SLC36A1: variants seen among roughly 807,000 people sequenced by gnomAD.
SLC36A1 encodes proton-coupled amino acid transporter 1.
A neutral mutation model predicts 47.5 loss-of-function variants in SLC36A1; 30 were observed. The ratio of observed to expected loss-of-function variants is 0.63; its 90% CI spans 0.47 to 0.86. The LOEUF (loss-of-function observed/expected upper bound fraction) is 0.86. Ranked by LOEUF, SLC36A1 falls within the 40% of genes least tolerant of loss-of-function variation. The probability of loss-of-function intolerance (pLI) is 0.00; values close to 1 mark genes in which losing one functional copy is unlikely to be tolerated. For missense variants in SLC36A1, 517 were observed against 606.0 expected (o/e 0.85, Z 1.54); for synonymous variants, 255 against 249.7 (o/e 1.02, Z -0.20).
chr5:151,370,665 C>G, the SLC36A1 span, among the ~76,000 whole-genome samples: 1 of 152,134 alleles, frequency 6.6e-6, no homozygotes, highest in Non-Finnish European at 1.5e-5. Flanking sequence ...CTTTCTTACT[C>G]AATATCAACT....
At chr5:151,449,866 CAA>C (rs1753362971) in intron 1 of SLC36A1, among the ~76,000 whole-genome samples, 2 of 152,202 alleles carry the variant, frequency 1.3e-5, no homozygotes, top group Admixed American at 1.3e-4. Context: ...TCTTTCAACT[CAA>C]GAGTCTGTGA....
the SLC36A1 span, among the ~76,000 whole-genome samples, chr5:151,539,936 T>C: frequency 6.6e-6 from 1 of 152,214 alleles, no homozygotes; most frequent in Admixed American, 6.5e-5. Context: ...AAGAAGGGCA[T>C]CTCAGTGGAC....
Position 151,447,709 on chromosome 5 carries a change from G to C in SLC36A1, c.-110G>C. ...AGCCAGAGCCGGAGCCGGAGCTGGG[G>C]CCAGAACCCGAGCAGTGAGTTCCTC... On this transcript the variant is annotated 5_prime_UTR_variant, in exon 1 of 11. Transcript: ENST00000243389. 1 of 150,072 alleles carries C rather than the reference G, an allele frequency of 6.7e-6. No homozygotes were observed. Among genetic ancestry groups the C allele is most frequent in the East Asian group, 2.0e-4 (1 of 5,010 alleles). The allele number at this position is 150,072 out of a possible 1,614,324, so 9.3% of individuals were successfully genotyped here. A position where few individuals can be genotyped will look rare whatever the true frequency, so the allele number is the denominator to read the frequency against.
chr5:151,429,249 C>T, the SLC36A1 span, among the ~76,000 whole-genome samples: 1 of 151,308 alleles, frequency 6.6e-6, no homozygotes, highest in Non-Finnish European at 1.5e-5. Context: ...GGTACATGTG[C>T]ATGTTTGTTA....
chr5:151,451,127 G>C (rs1753594677), intron 1 of SLC36A1: 1 of 152,148 alleles, frequency 6.6e-6, no homozygotes, highest in Non-Finnish European at 1.5e-5. Flanking sequence ...CTGCATTTGG[G>C]GTTGTCTCTT....
the SLC36A1 span, among the ~76,000 whole-genome samples, chr5:151,417,138 A>G: frequency 7.9e-5 from 12 of 152,348 alleles, no homozygotes; most frequent in East Asian, 2.1e-3. Flanking sequence ...ACGAACTAAT[A>G]CAGTAAATTG....
At chr5:151,407,615 C>G in the SLC36A1 span, among the ~76,000 whole-genome samples, 1 of 152,206 alleles carries the variant, frequency 6.6e-6, no homozygotes, top group East Asian at 1.9e-4. Flanking sequence ...CCCCACCCGA[C>G]CCAGAAGCCC....
At chr5:151,390,095 C>T in the SLC36A1 span, among the ~76,000 whole-genome samples, 5 of 152,142 alleles carry the variant, frequency 3.3e-5, no homozygotes, top group African/African-American at 4.8e-5. Flanking sequence ...TTTTAATGAT[C>T]GCCATTCTAA....
chr5:151,479,823 T>A, intron 10 of SLC36A1: 1 of 528,494 alleles, frequency 1.9e-6, no homozygotes, highest in African/African-American at 1.9e-5. Context: ...TTAACCCATA[T>A]CTGTAATGAG....
In SLC36A1 at chr5:151,488,538, C is replaced by A; in HGVS notation, c.*284C>A. 2.2e-6 allele frequency: 1 copy of A among 454,876 alleles called. No homozygotes were observed. The allele number at this position is 454,876 out of a possible 1,614,324, so 28.2% of individuals were successfully genotyped here. On this transcript the variant is annotated 3_prime_UTR_variant, in exon 11 of 11. Coordinates refer to ENST00000243389, the MANE Select transcript of SLC36A1 (RefSeq NM_078483.4). Reference sequence around the variant, plus strand: ...TCCCCCTCATCATGCCTCCTCCTTCCTACCTGCCTCCCCTCTGCTGGTGCA... The same window carrying A: ...TCCCCCTCATCATGCCTCCTCCTTCATACCTGCCTCCCCTCTGCTGGTGCA...
At chr5:151,448,195 T>C (rs1413757339) in intron 1 of SLC36A1, among the ~76,000 whole-genome samples, 1 of 152,150 alleles carries the variant, frequency 6.6e-6, no homozygotes, top group Non-Finnish European at 1.5e-5. Flanking sequence ...CCTAGGACAG[T>C]TGGAGAAACT....
chr5:151,383,067 A>G, the SLC36A1 span, among the ~76,000 whole-genome samples: 1 of 152,166 alleles, frequency 6.6e-6, no homozygotes, highest in Non-Finnish European at 1.5e-5. Flanking sequence ...CCCGGCCCAC[A>G]GTCTTTTTAG....
intron 5 of SLC36A1, 78 bp downstream of exon 5, chr5:151,465,247 C>A: frequency 8.9e-7 from 1 of 1,119,580 alleles, no homozygotes; most frequent in Non-Finnish European, 1.4e-6. Context: ...ACGTGGGAGA[C>A]AGTGTAAAGC....
At chr5:151,452,246 G>A (rs78363775) in intron 1 of SLC36A1, 1 of 152,212 alleles carries the variant, frequency 6.6e-6, no homozygotes, top group African/African-American at 2.4e-5. Context: ...ATCTGATGCT[G>A]TTTTAAAAAC....
At chr5:151,531,749 C>T in the SLC36A1 span, 17 of 1,613,492 alleles carry the variant, frequency 1.1e-5, no homozygotes, top group Non-Finnish European at 1.1e-5. The surrounding 1 kb of genome is among the most constrained non-coding windows in gnomAD (Gnocchi z 5.7). Flanking sequence ...TTCAGGAACA[C>T]GGGCAGGTAG....
At chr5:151,384,412 T>A in the SLC36A1 span, among the ~76,000 whole-genome samples, 1 of 152,204 alleles carries the variant, frequency 6.6e-6, no homozygotes, top group Non-Finnish European at 1.5e-5. Context: ...GGGTTGTATA[T>A]TTAAAACAAA....
upstream of SLC36A1, among the ~76,000 whole-genome samples, chr5:151,432,360 T>A (rs1759405073): frequency 6.6e-6 from 1 of 152,202 alleles, no homozygotes; most frequent in East Asian, 1.9e-4. Context: ...TCCCTTGCAT[T>A]GCACTGTCTT....
chr5:151,510,773 G>A, the SLC36A1 span: 1 of 152,368 alleles, frequency 6.6e-6, no homozygotes, highest in Non-Finnish European at 1.5e-5. Context: ...TGAAGGATGA[G>A]TAGAAATTAG....
At chr5:151,369,005 A>G in the SLC36A1 span, among the ~76,000 whole-genome samples, 1 of 152,234 alleles carries the variant, frequency 6.6e-6, no homozygotes. Context: ...GGACATGCTA[A>G]CACGTGGATG....
Sources: allele counts gnomAD v4.1 joint callset (sites outside exome capture counted in the v4.1 genomes callset), GRCh38; gene constraint gnomAD v4.1.1; non-coding constraint Gnocchi (gnomAD v3.1); transcripts MANE v1.5; gene names NCBI Gene and HGNC (gene_info 2026-07-23, HGNC 2026-07-21).